ITPR2: variants seen among roughly 807,000 people sequenced by gnomAD.
ITPR2 encodes inositol 1,4,5-trisphosphate receptor type 2.
In ITPR2, 207 loss-of-function variants were observed where a neutral mutation model predicts 317.1. The observed-to-expected ratio is 0.65, with a 90% CI of 0.58 to 0.73. The LOEUF (loss-of-function observed/expected upper bound fraction) is 0.73. Among genes scored for constraint, ITPR2 ranks in the 30% least tolerant of loss-of-function variants. The pLI is 0.00. For missense variants in ITPR2, 2,613 were observed against 3,284.0 expected, an observed-to-expected ratio of 0.80 and a Z score of 4.99; for synonymous variants, 1,156 against 1,149.1, an observed-to-expected ratio of 1.01 and a Z score of -0.12.
At chr12:26,427,760 A>T (rs11048513) in intron 49 of ITPR2, among the ~76,000 whole-genome samples, 153 bp downstream of exon 49, 19 of 152,300 alleles carry the variant, frequency 1.2e-4, no homozygotes, top group African/African-American at 3.4e-4. Flanking sequence ...AAATTAAATT[A>T]AAAAAGTACA....
At chr12:26,477,114 G>A (rs1306256774) in intron 43 of ITPR2, 107 bp from the exon 44 acceptor site, 12 of 633,724 alleles carry the variant, frequency 1.9e-5, no homozygotes, top group Admixed American at 9.1e-5. Context: ...TTAATCAAAC[G>A]GAATTTAAAA....
chr12:26,611,992 T>C (rs928774506), intron 26 of ITPR2, among the ~76,000 whole-genome samples: 3 of 152,222 alleles, frequency 2.0e-5, no homozygotes, highest in African/African-American at 7.2e-5. Context: ...GGAAACACTA[T>C]AATATACAAT....
intron 45 of ITPR2, among the ~76,000 whole-genome samples, chr12:26,446,341 G>A (rs142686094): frequency 6.6e-6 from 1 of 152,162 alleles, no homozygotes; most frequent in Admixed American, 6.6e-5. Context: ...TAAATAATGA[G>A]ATACGTAGTT....
At chr12:26,395,084 A>T (rs1939954353) in intron 54 of ITPR2, among the ~76,000 whole-genome samples, 1 of 152,138 alleles carries the variant, frequency 6.6e-6, no homozygotes, top group Non-Finnish European at 1.5e-5. Context: ...CTGAAAACAG[A>T]GGGGAAAGCC....
intron 2 of ITPR2, among the ~76,000 whole-genome samples, chr12:26,767,457 G>T (rs1418695369): frequency 6.6e-6 from 1 of 152,136 alleles, no homozygotes; most frequent in African/African-American, 2.4e-5. Flanking sequence ...TGAAAAACTT[G>T]GACTTTTTTC....
intron 2 of ITPR2, among the ~76,000 whole-genome samples, chr12:26,782,071 G>GAGAGCGAGCA (rs1555190877): frequency 9.5e-6 from 1 of 105,652 alleles, no homozygotes; most frequent in African/African-American, 3.2e-5. Flanking sequence ...GAGAGAGAGA[G>GAGAGCGAGCA]AGCGAGAGAG....
At chr12:26,778,952 C>T (rs1164329143) in intron 2 of ITPR2, among the ~76,000 whole-genome samples, 1 of 152,096 alleles carries the variant, frequency 6.6e-6, no homozygotes, top group African/African-American at 2.4e-5. Context: ...TCTAGTGGGC[C>T]TATTTGGATT....
chr12:26,619,013 A>G (rs1946435660), intron 26 of ITPR2, among the ~76,000 whole-genome samples: 1 of 152,248 alleles, frequency 6.6e-6, no homozygotes, highest in Non-Finnish European at 1.5e-5. Context: ...GAGGGAGCAC[A>G]TCAACTTCTT....
intron 2 of ITPR2, among the ~76,000 whole-genome samples, chr12:26,788,863 T>C (rs568197353): frequency 9.2e-5 from 14 of 152,364 alleles, no homozygotes; most frequent in African/African-American, 3.4e-4. Flanking sequence ...TTTCAGAATC[T>C]ACCTTTATTC....
At chr12:26,678,789 C>T (rs1056183379) in intron 13 of ITPR2, among the ~76,000 whole-genome samples, 5 of 152,184 alleles carry the variant, frequency 3.3e-5, no homozygotes, top group Admixed American at 3.3e-4. Flanking sequence ...CTAGTCAGTC[C>T]TAGTCCACCA....
chr12:26,770,711 G>A (rs11615177), intron 2 of ITPR2, among the ~76,000 whole-genome samples: 24,258 of 152,120 alleles, frequency 0.16, 2,691 homozygotes, highest in Non-Finnish European at 0.24. Flanking sequence ...TTAGGTTGGC[G>A]CATGGCCAGC....
intron 48 of ITPR2, among the ~76,000 whole-genome samples, chr12:26,428,386 T>C (rs567657808): frequency 6.6e-6 from 1 of 152,328 alleles, no homozygotes; most frequent in Non-Finnish European, 1.5e-5. Context: ...ATTTGCTAAA[T>C]ACTTTTGATA....
At chr12:26,513,018 T>C (rs1943396112) in intron 37 of ITPR2, among the ~76,000 whole-genome samples, 1 of 152,024 alleles carries the variant, frequency 6.6e-6, no homozygotes. Context: ...ACATTTTGTA[T>C]TTTTAGTAGA....
At chr12:26,733,059 C>T (rs903336413) in intron 2 of ITPR2, among the ~76,000 whole-genome samples, 1 of 150,634 alleles carries the variant, frequency 6.6e-6, no homozygotes, top group African/African-American at 2.4e-5. Flanking sequence ...AGGCCAGGCA[C>T]GGTGGCTCAT....
At chr12:26,369,289 T>A (rs74404062) in intron 55 of ITPR2, among the ~76,000 whole-genome samples, 1,811 of 152,220 alleles carry the variant, frequency 0.012, 19 homozygotes, top group South Asian at 0.037. Context: ...TGTTTTAGAT[T>A]TTTTTCATTT....
chr12:26,510,165 G>A (rs957577373), intron 37 of ITPR2, among the ~76,000 whole-genome samples: 1 of 151,982 alleles, frequency 6.6e-6, no homozygotes, highest in Non-Finnish European at 1.5e-5. Flanking sequence ...GCTTTTACAG[G>A]AACTAACCAT....
intron 34 of ITPR2, among the ~76,000 whole-genome samples, chr12:26,564,164 G>A (rs557113525): frequency 2.0e-5 from 3 of 152,142 alleles, no homozygotes; most frequent in Non-Finnish European, 4.4e-5. Flanking sequence ...TGGAAAGGAA[G>A]TCAAGGAATC....
At chr12:26,377,112 AT>A (rs1212982366) in intron 55 of ITPR2, among the ~76,000 whole-genome samples, 36 of 151,946 alleles carry the variant, frequency 2.4e-4, no homozygotes, top group Non-Finnish European at 1.5e-5. Context: ...GCCCTCCCAA[AT>A]GTCCTCACTG....
chr12:26,749,412 A>G (rs1295209952), intron 2 of ITPR2, among the ~76,000 whole-genome samples: 1 of 152,216 alleles, frequency 6.6e-6, no homozygotes, highest in African/African-American at 2.4e-5. Context: ...TCTAGTAATC[A>G]TAAGGTTTCA....
Sources: gnomAD v4.1 joint callset for allele counts (sites outside exome capture counted in the v4.1 genomes callset) on GRCh38, gnomAD v4.1.1 for gene constraint, MANE v1.5 for transcripts, NCBI Gene and HGNC (gene_info 2026-07-23, HGNC 2026-07-21) for gene names.